Variants in GLRA1 observed in about 807,000 individuals in gnomAD.
The protein encoded by GLRA1 is glycine receptor alpha 1, also known as glycine receptor subunit alpha-1.
In GLRA1, 37 loss-of-function variants were observed where a neutral mutation model predicts 48.3. The observed-to-expected ratio is 0.77, with a 90% CI of 0.59 to 1.01. The LOEUF (loss-of-function observed/expected upper bound fraction) is 1.01. GLRA1 is among the 50% of genes least tolerant of loss of function. GLRA1 has a pLI of 0.00. For missense variants in GLRA1, 427 were observed against 571.0 expected (o/e 0.75, Z 2.57); for synonymous variants, 196 against 210.7 (o/e 0.93, Z 0.60).
At chr5:151,921,146 T>G (rs1581669905) in intron 1 of GLRA1, among the ~76,000 whole-genome samples, 1 of 152,230 alleles carries the variant, frequency 6.6e-6, no homozygotes, top group African/African-American at 2.4e-5. Flanking sequence ...GCTGATCATC[T>G]TTTGGGAAAA....
At chr5:151,898,157 T>A (rs1453469603) in intron 1 of GLRA1, among the ~76,000 whole-genome samples, 4 of 152,052 alleles carry the variant, frequency 2.6e-5, no homozygotes, top group Non-Finnish European at 5.9e-5. Flanking sequence ...ATTAAGATGA[T>A]CTCTAAGAGC....
intron 2 of GLRA1, 62 bp from the exon 3 acceptor site, chr5:151,886,850 C>G: frequency 8.3e-7 from 1 of 1,200,876 alleles, no homozygotes; most frequent in Non-Finnish European, 1.2e-6. Flanking sequence ...CAGGGTAGGA[C>G]TCATTCCCAG....
intron 1 of GLRA1, among the ~76,000 whole-genome samples, chr5:151,923,558 A>C (rs1754930621): frequency 6.6e-6 from 1 of 152,180 alleles, no homozygotes; most frequent in Non-Finnish European, 1.5e-5. Context: ...GCCATCTCTG[A>C]AGATGGTATG....
intron 7 of GLRA1, among the ~76,000 whole-genome samples, chr5:151,844,214 A>G (rs1390202320): frequency 1.3e-5 from 2 of 151,908 alleles, no homozygotes; most frequent in African/African-American, 4.8e-5. Context: ...CATCACATAT[A>G]TAAATAAATC....
At chr5:151,850,246 T>C (rs1463514393) in intron 7 of GLRA1, 7 of 1,604,572 alleles carry the variant, frequency 4.4e-6, no homozygotes, top group Non-Finnish European at 6.0e-6. Context: ...GCCAAGATGG[T>C]GGGTACTAAT....
At chr5:151,888,659 C>G (rs1753981317) in intron 2 of GLRA1, among the ~76,000 whole-genome samples, 1 of 152,178 alleles carries the variant, frequency 6.6e-6, no homozygotes, top group Non-Finnish European at 1.5e-5. Context: ...CCCAACCCCA[C>G]ACTAAGTAAA....
At chr5:151,891,351 A>C (rs1377057687) in intron 2 of GLRA1, among the ~76,000 whole-genome samples, 1 of 152,232 alleles carries the variant, frequency 6.6e-6, no homozygotes, top group Admixed American at 6.5e-5. Context: ...GAGGTAAAAG[A>C]ACCTTTTCAG....
intron 7 of GLRA1, among the ~76,000 whole-genome samples, chr5:151,832,078 TAACA>T (rs981830724): frequency 1.3e-5 from 2 of 152,058 alleles, no homozygotes; most frequent in East Asian, 1.9e-4. Context: ...GAAGGAAAAC[TAACA>T]AACAGAAAGG....
At chr5:151,922,114 G>T (rs1323425139) in intron 1 of GLRA1, among the ~76,000 whole-genome samples, 1 of 152,210 alleles carries the variant, frequency 6.6e-6, no homozygotes, top group Non-Finnish European at 1.5e-5. Context: ...CCCCAACAAG[G>T]TGAGCAGCTG....
intron 1 of GLRA1, among the ~76,000 whole-genome samples, chr5:151,905,211 AT>A (rs1754448591): frequency 1.3e-5 from 2 of 152,176 alleles, no homozygotes; most frequent in Non-Finnish European, 2.9e-5. Context: ...CATTGGGAAA[AT>A]ACAATGAGGT....
rs147391453 is a variant in GLRA1 at position 151,876,590 on chromosome 5, T to C, written c.252+10131A>G. Reference sequence around the variant, plus strand: ...TGGTATTATCTTGTTTTCCTTAAAATAGACTCCTTGAAAGCAGAGACCTCC... The same window carrying C: ...TGGTATTATCTTGTTTTCCTTAAAACAGACTCCTTGAAAGCAGAGACCTCC... On this transcript the variant is annotated intron_variant, in intron 3 of 8. Transcript: ENST00000274576. Among the ~76,000 whole-genome samples, 21 of 152,300 alleles carry C rather than the reference T, an allele frequency of 1.4e-4. No homozygotes were observed. In the East Asian group the frequency reaches 3.5e-3, roughly 25 times the overall value.
intron 1 of GLRA1, among the ~76,000 whole-genome samples, chr5:151,917,530 AC>A (rs754559356): frequency 3.3e-5 from 5 of 152,212 alleles, no homozygotes; most frequent in Non-Finnish European, 7.4e-5. Flanking sequence ...TACTCATGAA[AC>A]CATCACCATA....
intron 7 of GLRA1, among the ~76,000 whole-genome samples, chr5:151,835,537 T>C (rs189779212): frequency 3.3e-5 from 5 of 152,318 alleles, no homozygotes; most frequent in Non-Finnish European, 5.9e-5. Context: ...ATATCCTTGA[T>C]GAACATCGAT....
intron 2 of GLRA1, among the ~76,000 whole-genome samples, chr5:151,890,581 A>C (rs1754040052): frequency 1.3e-5 from 2 of 152,226 alleles, no homozygotes; most frequent in African/African-American, 4.8e-5. Flanking sequence ...TTTCAGATAA[A>C]ACCTCAGACT....
intron 3 of GLRA1, among the ~76,000 whole-genome samples, chr5:151,876,308 A>G (rs1355913722): frequency 6.6e-6 from 1 of 152,140 alleles, no homozygotes; most frequent in Non-Finnish European, 1.5e-5. Context: ...CCTTTGGTTC[A>G]TCCCTTGAAA....
At chr5:151,856,642 C>T (rs1260195073) in intron 4 of GLRA1, among the ~76,000 whole-genome samples, 2 of 152,100 alleles carry the variant, frequency 1.3e-5, no homozygotes, top group African/African-American at 4.8e-5. Context: ...CCTCAGCCTC[C>T]AGAGTAGATG....
At chr5:151,880,637 T>C (rs1037498408) in intron 3 of GLRA1, among the ~76,000 whole-genome samples, 6 of 152,236 alleles carry the variant, frequency 3.9e-5, no homozygotes, top group African/African-American at 1.4e-4. Context: ...CTCATGTTTA[T>C]ATACAGTTCT....
intron 1 of GLRA1, among the ~76,000 whole-genome samples, chr5:151,909,224 G>T (rs1754550743): frequency 6.6e-6 from 1 of 152,196 alleles, no homozygotes; most frequent in Admixed American, 6.5e-5. Flanking sequence ...GGAGAGAAAA[G>T]AAAACTATGA....
At chr5:151,822,985 G>A in intron 8 of GLRA1, 22 bp from the exon 9 acceptor site, 1 of 1,575,606 alleles carries the variant, frequency 6.3e-7, no homozygotes, top group African/African-American at 1.4e-5. Context: ...TCAACATGGG[G>A]CTCTACTTAA....
Sources: allele counts gnomAD v4.1 joint callset (sites outside exome capture counted in the v4.1 genomes callset), GRCh38; gene constraint gnomAD v4.1.1; transcripts MANE v1.5; gene names NCBI Gene and HGNC (gene_info 2026-07-23, HGNC 2026-07-21).